MIB1: variants seen among roughly 807,000 people sequenced by gnomAD.
The protein encoded by MIB1 is E3 ubiquitin-protein ligase MIB1.
A neutral mutation model predicts 124.5 loss-of-function variants in MIB1; 278 were observed. The ratio of observed to expected loss-of-function variants is 2.23; its 90% CI spans 2.02 to 2.47. The LOEUF is 2.47. MIB1 is among the 30% of genes most tolerant of loss of function. The pLI is 0.00. For synonymous variants in MIB1, 446 were observed against 429.4 expected (o/e 1.04, Z -0.48); for missense variants, 957 against 1,254.4 (o/e 0.76, Z 3.58).
intron 12 of MIB1, chr18:21,826,391 G>A (rs1568217035): frequency 6.6e-6 from 1 of 152,058 alleles, no homozygotes; most frequent in Non-Finnish European, 1.5e-5. Context: ...GACTTGTGTC[G>A]AAAGGAACTA....
chr18:21,765,333 T>C (rs759237064), intron 1 of MIB1, among the ~76,000 whole-genome samples: 1 of 152,242 alleles, frequency 6.6e-6, no homozygotes, highest in Non-Finnish European at 1.5e-5. Flanking sequence ...CTTAGGTTAA[T>C]TGATAGTTTG....
chr18:21,807,168 C>T (rs950604767), intron 10 of MIB1, among the ~76,000 whole-genome samples: 2 of 152,218 alleles, frequency 1.3e-5, no homozygotes, highest in Non-Finnish European at 2.9e-5. Context: ...CACTGATTCA[C>T]ATCTGTAATC....
intron 14 of MIB1, among the ~76,000 whole-genome samples, chr18:21,843,509 TTAC>T (rs1325292160): frequency 6.6e-6 from 1 of 152,246 alleles, no homozygotes; most frequent in Admixed American, 6.5e-5. Flanking sequence ...AAACTTATAT[TTAC>T]TGCTTAAGTA....
At chr18:21,746,335 CTTTAT>C (rs1381852880) in intron 1 of MIB1, among the ~76,000 whole-genome samples, 2 of 152,092 alleles carry the variant, frequency 1.3e-5, no homozygotes, top group African/African-American at 4.8e-5. Context: ...GGCATATCAG[CTTTAT>C]TTTTTCTTTC....
chr18:21,733,215 T>C (rs1315653977), intron 1 of MIB1, among the ~76,000 whole-genome samples: 5 of 152,192 alleles, frequency 3.3e-5, no homozygotes, highest in Non-Finnish European at 7.3e-5. Flanking sequence ...GTGAGTGAAA[T>C]AGTTTTGGCA....
intron 8 of MIB1, 43 bp downstream of exon 8, chr18:21,798,271 A>T (rs2041608943): frequency 6.3e-7 from 1 of 1,593,450 alleles, no homozygotes; most frequent in Non-Finnish European, 8.6e-7. Context: ...TGTGGTTTAC[A>T]TTAAAACCTT....
chr18:21,756,618 C>T (rs2041034621), intron 1 of MIB1, among the ~76,000 whole-genome samples: 1 of 152,060 alleles, frequency 6.6e-6, no homozygotes, highest in African/African-American at 2.4e-5. Context: ...GCGTACACCA[C>T]CGTGGCCGGC....
chr18:21,810,935 G>T (rs537951547), intron 10 of MIB1, among the ~76,000 whole-genome samples: 114 of 152,044 alleles, frequency 7.5e-4, no homozygotes, highest in African/African-American at 2.5e-3. Context: ...TGTCAACAGA[G>T]AGAAAAAGCA....
At chr18:21,843,660 T>G (rs2042110905) in intron 14 of MIB1, among the ~76,000 whole-genome samples, 1 of 152,212 alleles carries the variant, frequency 6.6e-6, no homozygotes, top group Non-Finnish European at 1.5e-5. Flanking sequence ...TGGAGAAAAT[T>G]GACCAAAAGA....
At chr18:21,814,539 C>T (rs1334547760) in intron 10 of MIB1, among the ~76,000 whole-genome samples, 1 of 152,000 alleles carries the variant, frequency 6.6e-6, no homozygotes, top group African/African-American at 2.4e-5. Flanking sequence ...GCTATGACTG[C>T]CACTGCATTC....
chr18:21,842,668 T>C (rs2146504713), intron 13 of MIB1, among the ~76,000 whole-genome samples: 1 of 152,338 alleles, frequency 6.6e-6, no homozygotes, highest in Non-Finnish European at 1.5e-5. Flanking sequence ...GCAAACTTTC[T>C]TTTCACAGAG....
chr18:21,856,519 C>G (rs2042230318), intron 18 of MIB1, among the ~76,000 whole-genome samples: 1 of 152,002 alleles, frequency 6.6e-6, no homozygotes. Context: ...TAGCGAAAAG[C>G]CATTTACAAA....
At chr18:21,776,391 ACATG>A (rs1486788157) in intron 4 of MIB1, among the ~76,000 whole-genome samples, 11 of 152,276 alleles carry the variant, frequency 7.2e-5, no homozygotes, top group African/African-American at 2.2e-4. Context: ...GTGTGTGTGC[ACATG>A]CATGTGCATA....
At chr18:21,826,828 G>A (rs1457754718) in intron 12 of MIB1, 4 of 152,094 alleles carry the variant, frequency 2.6e-5, no homozygotes, top group Non-Finnish European at 5.9e-5. Context: ...GTATGCAAAT[G>A]ACTCTTACAC....
Position 21,741,470 on chromosome 18 carries a change from C to T in MIB1, c.-114C>T, listed in dbSNP as rs944842268. On this transcript the variant is annotated 5_prime_UTR_variant, in exon 1 of 21. Transcript: ENST00000261537. This position sits in a 1 kb window ranked among gnomAD's most constrained non-coding sequence, Gnocchi z 5.4. ...TTATTCTCACGTCCCCCGGGGCTCG[C>T]TGCCGCCCCCGCCGACGCCTAGAGT... The T allele has an allele frequency of 5.2e-6, 3 of 573,872 alleles. No individual in the cohort carries two copies. The highest frequency in any genetic ancestry group is 4.0e-5 in the African/African-American group (2 of 50,214). 35.5% of individuals were successfully genotyped at this position (573,872 alleles called of 1,614,324 possible).
At chr18:21,853,761 T>C (rs997433540) in intron 18 of MIB1, among the ~76,000 whole-genome samples, 1 of 152,228 alleles carries the variant, frequency 6.6e-6, no homozygotes, top group Non-Finnish European at 1.5e-5. Flanking sequence ...AAACATATTC[T>C]CTTGAAGTCC....
At chr18:21,724,108 A>G (rs913579159) in intron 1 of MIB1, 3 of 152,656 alleles carry the variant, frequency 2.0e-5, no homozygotes, top group African/African-American at 7.2e-5. Flanking sequence ...TTAAAGTAAC[A>G]TTCTATCTGT....
chr18:21,793,503 C>G (rs910620362), intron 7 of MIB1, among the ~76,000 whole-genome samples: 1 of 151,968 alleles, frequency 6.6e-6, no homozygotes, highest in African/African-American at 2.4e-5. Flanking sequence ...TATATCAGGC[C>G]AGACGTGGTG....
intron 1 of MIB1, among the ~76,000 whole-genome samples, chr18:21,710,868 C>T (rs1159952346): frequency 1.4e-5 from 2 of 146,488 alleles, no homozygotes; most frequent in Non-Finnish European, 3.0e-5. Flanking sequence ...GTCTCTGTCG[C>T]CAGGCTGGAG....
Sources: allele counts gnomAD v4.1 joint callset (sites outside exome capture counted in the v4.1 genomes callset), GRCh38; gene constraint gnomAD v4.1.1; non-coding constraint Gnocchi (gnomAD v3.1); transcripts MANE v1.5; gene names NCBI Gene and HGNC (gene_info 2026-07-23, HGNC 2026-07-21).